CDH8: variants seen among roughly 807,000 people sequenced by gnomAD.
CDH8 encodes the protein cadherin 8.
Under a neutral mutation model 68.1 loss-of-function variants are expected in CDH8, and 17 were observed. The observed-to-expected ratio is 0.25, with a 90% confidence interval of 0.17 to 0.37. The LOEUF is 0.37. CDH8 is among the 10% of genes least tolerant of loss of function. The pLI is 1.00. For synonymous variants in CDH8, 372 were observed against 365.1 expected (o/e 1.02, Z -0.21); for missense variants, 763 against 999.3 (o/e 0.76, Z 3.19).
At chr16:61,726,645 A>G (rs1014955598) in intron 9 of CDH8, 1 of 192,492 alleles carries the variant, frequency 5.2e-6, no homozygotes, top group African/African-American at 2.3e-5. Flanking sequence ...ACAGATTTCA[A>G]TATTCACTTC....
Position 61,653,682 on chromosome 16 carries a change from G to A in CDH8, c.2326C>T (p.Leu776Phe), listed in dbSNP as rs1342824779. Residue 776 changes from leucine to phenylalanine, a missense_variant, in exon 12 of 12, where the codon CTC becomes TTC. This residue lies in a region of CDH8 where 397 missense variants were observed against 436.2 expected (regional missense o/e 0.91). Coordinates refer to ENST00000577390, the MANE Select transcript of CDH8 (RefSeq NM_001796.5). ...TTAAAGCGGGGACCCCAGTCACTGA[G>A]GTAGTCAAAATTCTGGTCTGAGTCT... ...TSDSDQNFDY[L>F]SDWGPRFKRL... The A allele has an allele frequency of 3.7e-6, 6 of 1,614,190 alleles. No individual in the cohort carries two copies. The highest frequency in any genetic ancestry group is 5.1e-6 in the Non-Finnish European group (6 of 1,180,040).
chr16:61,975,469 G>A (rs913292750), intron 2 of CDH8, among the ~76,000 whole-genome samples: 3 of 152,144 alleles, frequency 2.0e-5, no homozygotes, highest in South Asian at 2.1e-4. Context: ...GAGGTCTAGT[G>A]TATGCCATAG....
rs1963366118 is a variant in CDH8 at position 61,653,339 on chromosome 16, T to A, written c.*269A>T. 2.5e-6 allele frequency: 3 copies of A among 1,223,924 alleles called. No homozygotes were observed. The highest frequency in any genetic ancestry group is 3.0e-6 in the Non-Finnish European group (3 of 984,192). 75.8% of individuals were successfully genotyped at this position (1,223,924 alleles called of 1,614,324 possible). On this transcript the variant is annotated 3_prime_UTR_variant, in exon 12 of 12. Coordinates refer to ENST00000577390, the MANE Select transcript of CDH8 (RefSeq NM_001796.5). ...GGATTAGCCAGGATCCCAATCTTTG[T>A]CTGTGGTGGTCAGGTAAATATCAAA...
At chr16:61,687,589 CA>C (rs2142821053) in intron 10 of CDH8, among the ~76,000 whole-genome samples, 1 of 152,112 alleles carries the variant, frequency 6.6e-6, no homozygotes, top group Admixed American at 6.6e-5. Flanking sequence ...ACAACGCCTT[CA>C]GCCCTCACAC....
chr16:61,880,165 C>A (rs1963543611), intron 3 of CDH8, among the ~76,000 whole-genome samples: 1 of 152,122 alleles, frequency 6.6e-6, no homozygotes, highest in Non-Finnish European at 1.5e-5. Flanking sequence ...ACCTTGTGAT[C>A]TGCCTGCCTT....
intron 1 of CDH8, among the ~76,000 whole-genome samples, chr16:62,032,466 G>A (rs981573733): frequency 2.0e-5 from 3 of 152,098 alleles, no homozygotes; most frequent in Non-Finnish European, 2.9e-5. Flanking sequence ...TAATTAAAAA[G>A]CAAAGTTAGA....
chr16:61,933,739 A>T (rs1160652867), intron 2 of CDH8, among the ~76,000 whole-genome samples: 1 of 151,976 alleles, frequency 6.6e-6, no homozygotes, highest in Non-Finnish European at 1.5e-5. Flanking sequence ...GTTTTTTGCA[A>T]CCTTCACATG....
chr16:62,008,023 G>A (rs1276526146), intron 2 of CDH8, among the ~76,000 whole-genome samples: 1 of 152,006 alleles, frequency 6.6e-6, no homozygotes, highest in East Asian at 1.9e-4. Flanking sequence ...TGCCAACACA[G>A]CTCATTGCAG....
chr16:61,845,217 A>G (rs1409548329), intron 4 of CDH8, among the ~76,000 whole-genome samples: 1 of 152,140 alleles, frequency 6.6e-6, no homozygotes, highest in Non-Finnish European at 1.5e-5. Flanking sequence ...GCAAGAAAAT[A>G]AAATCTGCTA....
intron 8 of CDH8, among the ~76,000 whole-genome samples, chr16:61,774,475 A>G (rs943864000): frequency 1.3e-5 from 2 of 151,738 alleles, no homozygotes; most frequent in South Asian, 2.1e-4. Context: ...AAAAAAAAAA[A>G]AAGACATAAA....
intron 2 of CDH8, among the ~76,000 whole-genome samples, chr16:61,994,308 G>A (rs192162023): frequency 2.6e-4 from 40 of 152,220 alleles, no homozygotes; most frequent in African/African-American, 9.4e-4. Flanking sequence ...CAGGTTCCAG[G>A]TGTAAATTGA....
At chr16:61,984,153 G>C (rs560921286) in intron 2 of CDH8, among the ~76,000 whole-genome samples, 1 of 152,008 alleles carries the variant, frequency 6.6e-6, no homozygotes, top group South Asian at 2.1e-4. Context: ...TCCTAGACCT[G>C]GTGATCCGCC....
rs770071755 is a variant in CDH8 at position 61,651,496 on chromosome 16, G to A, written c.*2112C>T. 1 of 152,144 alleles carries A rather than the reference G, an allele frequency of 6.6e-6. No individual in the cohort carries two copies. The highest frequency in any genetic ancestry group is 1.5e-5 in the Non-Finnish European group (1 of 68,034). The allele number at this position is 152,144 out of a possible 1,614,324, so 9.4% of individuals were successfully genotyped here. On this transcript the variant is annotated 3_prime_UTR_variant, in exon 12 of 12. Coordinates refer to ENST00000577390, the MANE Select transcript of CDH8 (RefSeq NM_001796.5). ...GTCACAGTGAAGGTGGCCTCTAGAA[G>A]TTGGTGCGTTCAGCTTTTGAGTCAA... is the stretch of plus-strand genomic sequence containing the variant.
chr16:61,977,874 A>G (rs1325302778), intron 2 of CDH8, among the ~76,000 whole-genome samples: 1 of 152,156 alleles, frequency 6.6e-6, no homozygotes, highest in Non-Finnish European at 1.5e-5. Context: ...CTTATTAAAG[A>G]GCTTATCACA....
intron 2 of CDH8, among the ~76,000 whole-genome samples, chr16:61,915,644 T>A (rs1356391744): frequency 2.0e-5 from 3 of 152,194 alleles, no homozygotes; most frequent in Non-Finnish European, 2.9e-5. Context: ...ATTTTATATA[T>A]TCCCTGTTTG....
At chr16:61,753,082 G>A (rs1471008626) in intron 8 of CDH8, among the ~76,000 whole-genome samples, 1 of 152,090 alleles carries the variant, frequency 6.6e-6, no homozygotes, top group South Asian at 2.1e-4. Context: ...TTTGAGACAC[G>A]TGTGATGAGC....
In CDH8 at chr16:61,727,185, A is replaced by G. The variant is rs762899072; in HGVS notation, c.1445T>C (p.Val482Ala). 77 of 1,609,834 alleles carry G rather than the reference A, an allele frequency of 4.8e-5. No homozygotes were observed. The Middle Eastern group carries it at 2.0e-3, about 42-fold the overall frequency. The change falls in exon 9 of 12, where the codon GTT becomes GCT. Residue 482 changes from valine (V) to alanine (A), a missense_variant. Physicochemically the swap from Val to Ala is moderately conservative, Grantham distance 64 (BLOSUM62 0). Around this residue, in one of 2 missense-constraint regions of CDH8, gnomAD observed 397 missense variants for 436.2 expected, o/e 0.91. Transcript: ENST00000577390. ...RNHSQISRVP[V>A]AIKVLDVNDN... ...ATTGACATCCAGCACTTTAATAGCA[A>G]CAGGTACTCGTGATATCTGACTGTG... is the stretch of plus-strand genomic sequence containing the variant.
At chr16:61,973,138 TC>T (rs1286669604) in intron 2 of CDH8, among the ~76,000 whole-genome samples, 2 of 152,128 alleles carry the variant, frequency 1.3e-5, no homozygotes, top group Non-Finnish European at 2.9e-5. Context: ...ACTCTCTGCC[TC>T]CCCTTCTACC....
At chr16:61,739,171 G>A (rs1025510610) in intron 8 of CDH8, among the ~76,000 whole-genome samples, 2 of 152,002 alleles carry the variant, frequency 1.3e-5, no homozygotes, top group African/African-American at 4.8e-5. Context: ...GGATTGACTC[G>A]AGATTATTGG....
Sources: gnomAD v4.1 joint callset for allele counts (sites outside exome capture counted in the v4.1 genomes callset) on GRCh38, gnomAD v4.1.1 for gene constraint, gnomAD v4.1.1 regional missense constraint, MANE v1.5 for transcripts, NCBI Gene and HGNC (gene_info 2026-07-23, HGNC 2026-07-21) for gene names.